The following KCNH5 variants were observed in gnomAD, a reference collection of about 807,000 sequenced individuals.
KCNH5 encodes the protein potassium voltage-gated channel subfamily H member 5.
KCNH5 carries 46 observed loss-of-function variants against 96.1 expected under a neutral mutation model. The ratio of observed to expected loss-of-function variants is 0.48; its 90% CI spans 0.38 to 0.61. The LOEUF (loss-of-function observed/expected upper bound fraction) is 0.61, where lower values mean the gene tolerates loss of function less well. KCNH5 is among the 20% of genes least tolerant of loss of function. KCNH5 has a pLI of 0.00. For synonymous variants in KCNH5, 439 were observed against 449.8 expected (o/e 0.98, Z 0.30); for missense variants, 907 against 1,225.8 (o/e 0.74, Z 3.88).
chr14:62,840,552 T>TC (rs1371745926), intron 8 of KCNH5, among the ~76,000 whole-genome samples: 12 of 135,344 alleles, frequency 8.9e-5, no homozygotes, highest in Non-Finnish European at 1.7e-4. Context: ...TTGTTTTTCT[T>TC]TTTTCTTTTT....
intron 7 of KCNH5, among the ~76,000 whole-genome samples, chr14:62,875,311 T>C (rs1888348504): frequency 6.6e-6 from 1 of 151,940 alleles, no homozygotes; most frequent in Admixed American, 6.6e-5. Context: ...AAGCTACCAA[T>C]GACTTTCTTC....
At chr14:62,929,554 C>T (rs1889541470) in intron 7 of KCNH5, among the ~76,000 whole-genome samples, 1 of 152,060 alleles carries the variant, frequency 6.6e-6, no homozygotes, top group Admixed American at 6.6e-5. Flanking sequence ...CTATTTTCTC[C>T]CTTCCTCACT....
chr14:62,926,715 G>A (rs1889483269), intron 7 of KCNH5, among the ~76,000 whole-genome samples: 1 of 152,052 alleles, frequency 6.6e-6, no homozygotes, highest in South Asian at 2.1e-4. Context: ...GAGGAGACCA[G>A]CTCCACTGGA....
intron 8 of KCNH5, among the ~76,000 whole-genome samples, chr14:62,848,556 C>G (rs1887742649): frequency 6.6e-6 from 1 of 152,148 alleles, no homozygotes; most frequent in Non-Finnish European, 1.5e-5. Context: ...TCTCCCTCAA[C>G]TCCTAAGTTC....
In KCNH5 at chr14:62,703,017, T is replaced by C. The variant is rs1817546637; in HGVS notation, c.*4491A>G. 1 of 151,952 alleles carries C rather than the reference T, an allele frequency of 6.6e-6. No homozygotes were observed. The highest frequency in any genetic ancestry group is 6.6e-5 in the Admixed American group (1 of 15,246). 9.4% of individuals were successfully genotyped at this position (151,952 alleles called of 1,614,324 possible). A position where few individuals can be genotyped will look rare whatever the true frequency, so the allele number is the denominator to read the frequency against. ...ATAGATACATTGGTGAACTACTCTA[T>C]ACCTTGGCCACTTACCAATTTTTTC... On this transcript the variant is annotated 3_prime_UTR_variant, in exon 11 of 11. Coordinates refer to ENST00000322893, the MANE Select transcript of KCNH5 (RefSeq NM_139318.5).
intron 7 of KCNH5, among the ~76,000 whole-genome samples, chr14:62,879,112 T>G (rs1335257175): frequency 6.6e-6 from 1 of 152,078 alleles, no homozygotes; most frequent in Non-Finnish European, 1.5e-5. Flanking sequence ...CAAAAACAAT[T>G]ATCAAAATCA....
Position 62,741,975 on chromosome 14 carries a change from T to A in KCNH5, c.2020-33520A>T, listed in dbSNP as rs148782503. On this transcript the variant is annotated intron_variant, in intron 10 of 10. Coordinates refer to ENST00000322893, the MANE Select transcript of KCNH5 (RefSeq NM_139318.5). Reference sequence around the variant, plus strand: ...GTGGTTTAAATTCTGTTTCTGCTGCTTATCAGGGTTACAATCTTGATGATC... The same window carrying A: ...GTGGTTTAAATTCTGTTTCTGCTGCATATCAGGGTTACAATCTTGATGATC... 7.6e-4 allele frequency among the ~76,000 whole-genome samples: 115 copies of A among 152,298 alleles called. No individual in the cohort carries two copies. In the Middle Eastern group the frequency reaches 0.01, roughly 14 times the overall value.
intron 8 of KCNH5, among the ~76,000 whole-genome samples, chr14:62,847,356 A>G (rs1887721001): frequency 6.6e-6 from 1 of 152,016 alleles, no homozygotes; most frequent in Non-Finnish European, 1.5e-5. Flanking sequence ...ATGCAATACT[A>G]GAAATCCCTA....
chr14:62,744,229 A>G (rs1313066275), intron 10 of KCNH5, among the ~76,000 whole-genome samples: 1 of 152,166 alleles, frequency 6.6e-6, no homozygotes, highest in African/African-American at 2.4e-5. Context: ...TAGTTCCAGG[A>G]CTACTACTTT....
intron 10 of KCNH5, among the ~76,000 whole-genome samples, chr14:62,758,161 G>T (rs1357019137): frequency 1.4e-5 from 2 of 147,888 alleles, no homozygotes; most frequent in African/African-American, 5.0e-5. Flanking sequence ...AAAAAAAAAA[G>T]TTACAAATAG....
chr14:62,734,020 C>A lies in KCNH5; in HGVS notation c.2020-25565G>T, dbSNP rs80176550. 9.8e-3 allele frequency among the ~76,000 whole-genome samples: 1,488 copies of A among 152,296 alleles called. 27 individuals carry two copies. Among genetic ancestry groups the A allele is most frequent in the East Asian group, 0.094 (485 of 5,180 alleles). ...TATTCTACTGGCACTTCAAAGTCAG[C>A]ATATCCAAGATAATTATGTGCCAAA... On this transcript the variant is annotated intron_variant, in intron 10 of 10. Coordinates refer to ENST00000322893, the MANE Select transcript of KCNH5 (RefSeq NM_139318.5).
intron 2 of KCNH5, 35 bp from the exon 3 acceptor site, chr14:63,006,507 T>C: frequency 8.0e-7 from 1 of 1,247,588 alleles, no homozygotes; most frequent in Non-Finnish European, 1.2e-6. Flanking sequence ...TCGATTTCAC[T>C]TTTGTGTTGC....
At chr14:62,877,797 G>A (rs1198212970) in intron 7 of KCNH5, among the ~76,000 whole-genome samples, 2 of 151,818 alleles carry the variant, frequency 1.3e-5, no homozygotes, top group African/African-American at 2.4e-5. Context: ...TGATTCCTCA[G>A]GGATCTAGAA....
rs147799072 is a variant in KCNH5 at position 62,756,512 on chromosome 14, A to T, written c.2019+23216T>A. On this transcript the variant is annotated intron_variant, in intron 10 of 10. Transcript: ENST00000322893. ...GCCACAGCTGTCCTAAGCAAAAGGA[A>T]GAAAACTGTAGAAATCATATTAACT... 9.2e-5 allele frequency among the ~76,000 whole-genome samples: 14 copies of T among 152,326 alleles called. 1 individual carries two copies. In the East Asian group the frequency reaches 1.9e-3, roughly 21 times the overall value.
intron 5 of KCNH5, among the ~76,000 whole-genome samples, chr14:62,986,179 G>A (rs1890703414): frequency 6.6e-6 from 1 of 152,100 alleles, no homozygotes; most frequent in African/African-American, 2.4e-5. Context: ...AGGCCAAGCA[G>A]GAGTTTTTAA....
chr14:62,936,972 C>A (rs1453926021), intron 7 of KCNH5, among the ~76,000 whole-genome samples: 1 of 105,982 alleles, frequency 9.4e-6, no homozygotes, highest in Non-Finnish European at 1.8e-5. Flanking sequence ...CAGAGTGAGA[C>A]TCCATCTCAA....
chr14:62,733,231 A>T (rs1410797269), intron 10 of KCNH5, among the ~76,000 whole-genome samples: 1 of 152,052 alleles, frequency 6.6e-6, no homozygotes, highest in Non-Finnish European at 1.5e-5. Context: ...CTTCCCCCCA[A>T]ATTCACATGT....
At chr14:62,810,356 C>A (rs945306322) in intron 8 of KCNH5, among the ~76,000 whole-genome samples, 1 of 151,896 alleles carries the variant, frequency 6.6e-6, no homozygotes, top group Non-Finnish European at 1.5e-5. Context: ...ATTAAGGGTT[C>A]TCTTATAAAG....
chr14:62,868,730 C>A (rs1182413314), intron 7 of KCNH5, among the ~76,000 whole-genome samples: 1 of 152,078 alleles, frequency 6.6e-6, no homozygotes, highest in African/African-American at 2.4e-5. Flanking sequence ...TGTTCCCCTC[C>A]CTGTGTCCAT....
Sources: allele counts gnomAD v4.1 joint callset (sites outside exome capture counted in the v4.1 genomes callset), GRCh38; gene constraint gnomAD v4.1.1; transcripts MANE v1.5; gene names NCBI Gene and HGNC (gene_info 2026-07-23, HGNC 2026-07-21).